Variants in ZNF469 observed in about 807,000 individuals in gnomAD.
ZNF469 encodes zinc finger protein 469.
A neutral mutation model predicts 1.0 loss-of-function variants in ZNF469; 1 was observed. The observed-to-expected ratio is 1.00, with a 90% CI of 0.35 to 4.73. The LOEUF (loss-of-function observed/expected upper bound fraction) is 4.73. ZNF469 is among the 30% of genes most tolerant of loss of function. The probability of loss-of-function intolerance (pLI) is 0.16; values close to 1 mark genes in which losing one functional copy is unlikely to be tolerated. For synonymous variants in ZNF469, 2,703 were observed against 2,363.4 expected (o/e 1.14, Z -4.17); for missense variants, 6,100 against 5,356.3 (o/e 1.14, Z -4.33).
At chr16:88,106,705 C>T in the ZNF469 span, among the ~76,000 whole-genome samples, 18 of 152,342 alleles carry the variant, frequency 1.2e-4, no homozygotes, top group African/African-American at 3.8e-4. Flanking sequence ...TTGGTCCCAG[C>T]GATGGGCATT....
Position 88,432,637 on chromosome 16 carries a change from C to A in ZNF469, c.5167C>A (p.Pro1723Thr), listed in dbSNP as rs1423879139. The change falls in exon 3 of 3, where the codon CCT becomes ACT. Residue 1723 changes from proline (P) to threonine (T), a missense_variant. Transcript: ENST00000565624. ...DSRPPQDVCL[P>T]EPSKQPGPQL... ...CAGGCCCCCCCAAGATGTCTGCCTGCCTGAGCCCAGCAAGCAGCCTGGCCC... is the reference window on the plus strand; with the variant it reads ...CAGGCCCCCCCAAGATGTCTGCCTGACTGAGCCCAGCAAGCAGCCTGGCCC... 1 of 1,550,392 alleles carries A rather than the reference C, an allele frequency of 6.4e-7. No homozygotes were observed.
chr16:88,320,381 ATTCTTTT>A, the ZNF469 span, among the ~76,000 whole-genome samples: 1 of 152,006 alleles, frequency 6.6e-6, no homozygotes, highest in Non-Finnish European at 1.5e-5. Flanking sequence ...GAGATTCTTT[ATTCTTTT>A]TTCTTTTTTC....
At chr16:88,259,163 G>A in the ZNF469 span, among the ~76,000 whole-genome samples, 1 of 152,248 alleles carries the variant, frequency 6.6e-6, no homozygotes, top group Non-Finnish European at 1.5e-5. This position sits in a 1 kb window ranked among gnomAD's most constrained non-coding sequence, Gnocchi z 4.1. Context: ...AAAGTCGCAG[G>A]AATGAGGCCG....
At chr16:88,205,850 T>C in the ZNF469 span, among the ~76,000 whole-genome samples, 1 of 151,848 alleles carries the variant, frequency 6.6e-6, no homozygotes, top group African/African-American at 2.4e-5. This position sits in a 1 kb window ranked among gnomAD's most constrained non-coding sequence, Gnocchi z 4.2. Context: ...TTAACACGGA[T>C]CTGGAAAGAA....
At chr16:88,189,145 T>A in the ZNF469 span, among the ~76,000 whole-genome samples, 1 of 152,208 alleles carries the variant, frequency 6.6e-6, no homozygotes, top group African/African-American at 2.4e-5. This position sits in a 1 kb window ranked among gnomAD's most constrained non-coding sequence, Gnocchi z 4.3. Context: ...CTCCTAACAG[T>A]CGGCTGCACT....
the ZNF469 span, among the ~76,000 whole-genome samples, chr16:88,136,178 G>C: frequency 0.069 from 10,454 of 152,226 alleles, 1,198 homozygotes; most frequent in African/African-American, 0.24. Flanking sequence ...GAAATTCAAG[G>C]CACTGCTGTT....
At chr16:88,157,446 T>C in the ZNF469 span, among the ~76,000 whole-genome samples, 151,925 of 152,198 alleles carry the variant, frequency 1, 75,826 homozygotes, top group Middle Eastern at 1. Flanking sequence ...CAGTTCGAGC[T>C]GTGTCCTGGT....
the ZNF469 span, among the ~76,000 whole-genome samples, chr16:88,171,543 A>G: frequency 6.6e-6 from 1 of 152,212 alleles, no homozygotes; most frequent in East Asian, 1.9e-4. Context: ...CTTCAGATAC[A>G]CACACATAAA....
chr16:88,187,996 C>T, the ZNF469 span, among the ~76,000 whole-genome samples: 2 of 152,042 alleles, frequency 1.3e-5, no homozygotes, highest in African/African-American at 2.4e-5. Flanking sequence ...TCTTTCACAC[C>T]AGCCTCCTGG....
the ZNF469 span, among the ~76,000 whole-genome samples, chr16:88,289,954 T>A: frequency 6.6e-6 from 1 of 152,162 alleles, no homozygotes; most frequent in African/African-American, 2.4e-5. Context: ...TGATGGACAT[T>A]GTCTGGAGCC....
the ZNF469 span, among the ~76,000 whole-genome samples, chr16:88,250,150 G>A: frequency 6.6e-6 from 1 of 152,200 alleles, no homozygotes; most frequent in Non-Finnish European, 1.5e-5. Context: ...CCACCAATCA[G>A]ATCAGGAAAC....
the ZNF469 span, among the ~76,000 whole-genome samples, chr16:88,371,567 C>T: frequency 3.9e-5 from 6 of 152,174 alleles, no homozygotes; most frequent in Non-Finnish European, 7.3e-5. Flanking sequence ...AGCTCCACCC[C>T]GGTTCTAGAT....
At chr16:88,135,323 A>G in the ZNF469 span, among the ~76,000 whole-genome samples, 2 of 152,210 alleles carry the variant, frequency 1.3e-5, no homozygotes, top group Non-Finnish European at 1.5e-5. Flanking sequence ...TCTACTGCTC[A>G]ATGTTTGGAA....
At chr16:88,186,271 T>G in the ZNF469 span, among the ~76,000 whole-genome samples, 21,932 of 152,136 alleles carry the variant, frequency 0.14, 2,254 homozygotes, top group African/African-American at 0.27. Flanking sequence ...ATCCTGGACT[T>G]GTCATGGGGT....
chr16:88,243,609 A>G, the ZNF469 span, among the ~76,000 whole-genome samples: 2 of 152,018 alleles, frequency 1.3e-5, no homozygotes, highest in Non-Finnish European at 2.9e-5. Context: ...GTACGTTAGC[A>G]GGTGGTCCAG....
At chr16:88,106,005 G>C in the ZNF469 span, among the ~76,000 whole-genome samples, 2 of 152,236 alleles carry the variant, frequency 1.3e-5, no homozygotes, top group Admixed American at 6.5e-5. Flanking sequence ...CCAGTAAGCT[G>C]CTTTCAGGGA....
In ZNF469 at chr16:88,437,677, G is replaced by A. The variant is rs1209384772; in HGVS notation, c.10207G>A (p.Ala3403Thr). The stretch of plus-strand genomic sequence containing the variant: ...GGAGCTGCAGCACACGCCGCTGTAT[G>A]CCTGCGAGCTCTGCGCCACGGTTAT... ...RPELQHTPLY[A>T]CELCATVMRI... Residue 3403 changes from alanine (A) to threonine (T), a missense_variant, in exon 3 of 3, where the codon GCC (alanine) becomes ACC (threonine). Ala to Thr is a moderately conservative substitution (Grantham distance 58, BLOSUM62 0). Transcript: ENST00000565624. 1.9e-6 allele frequency: 3 copies of A among 1,549,396 alleles called. No homozygotes were observed. Among genetic ancestry groups the A allele is most frequent in the African/African-American group, 2.7e-5 (2 of 73,144 alleles).
chr16:88,146,178 C>T, the ZNF469 span, among the ~76,000 whole-genome samples: 8 of 152,208 alleles, frequency 5.3e-5, no homozygotes, highest in Non-Finnish European at 8.8e-5. Flanking sequence ...ATCCATGCAC[C>T]AGCGGCACCA....
At chr16:88,167,559 G>A in the ZNF469 span, among the ~76,000 whole-genome samples, 2 of 152,218 alleles carry the variant, frequency 1.3e-5, no homozygotes, top group East Asian at 1.9e-4. Flanking sequence ...TGCACTGGAC[G>A]CCTGCAAGTT....
Sources: gnomAD v4.1 joint callset for allele counts (sites outside exome capture counted in the v4.1 genomes callset) on GRCh38, gnomAD v4.1.1 for gene constraint, Gnocchi (gnomAD v3.1) non-coding constraint, MANE v1.5 for transcripts, NCBI Gene and HGNC (gene_info 2026-07-23, HGNC 2026-07-21) for gene names.